The following PPP4R2 variants were observed in gnomAD, a reference collection of about 807,000 sequenced individuals.
PPP4R2 encodes the protein protein phosphatase 4 regulatory subunit 2, also known as serine/threonine-protein phosphatase 4 regulatory subunit 2.
A neutral mutation model predicts 47.2 loss-of-function variants in PPP4R2; 13 were observed. That is an observed-to-expected ratio of 0.28 (90% CI 0.18 to 0.44). The LOEUF is 0.44. Ranked by LOEUF, PPP4R2 falls within the 20% of genes least tolerant of loss-of-function variation. The probability of loss-of-function intolerance (pLI) is 1.00; values close to 1 mark genes in which losing one functional copy is unlikely to be tolerated. For synonymous variants in PPP4R2, 151 were observed against 163.3 expected, an observed-to-expected ratio of 0.92 and a Z score of 0.57; for missense variants, 421 against 491.2, an observed-to-expected ratio of 0.86 and a Z score of 1.35.
chr3:73,006,018 C>G (rs949827199), intron 2 of PPP4R2, among the ~76,000 whole-genome samples: 2 of 152,060 alleles, frequency 1.3e-5, no homozygotes, highest in Non-Finnish European at 2.9e-5. Flanking sequence ...TCTTCCCTCC[C>G]TGTGTGTGCT....
chr3:73,028,487 T>C (rs1300238971), intron 2 of PPP4R2, among the ~76,000 whole-genome samples: 1 of 152,078 alleles, frequency 6.6e-6, no homozygotes, highest in Non-Finnish European at 1.5e-5. Context: ...AGATGGAGTC[T>C]CGCTCTTCCA....
At chr3:73,012,924 C>T (rs1701753411) in intron 2 of PPP4R2, among the ~76,000 whole-genome samples, 1 of 140,110 alleles carries the variant, frequency 7.1e-6, no homozygotes. Flanking sequence ...TTTTTTTAAA[C>T]CACCCTTACC....
At chr3:73,008,768 A>C (rs938835163) in intron 2 of PPP4R2, among the ~76,000 whole-genome samples, 3 of 152,244 alleles carry the variant, frequency 2.0e-5, no homozygotes, top group South Asian at 2.1e-4. Context: ...TATGCTGGGC[A>C]TAAATAGAAT....
At chr3:73,033,641 C>CT (rs1309456606) in intron 2 of PPP4R2, among the ~76,000 whole-genome samples, 1 of 152,122 alleles carries the variant, frequency 6.6e-6, no homozygotes, top group African/African-American at 2.4e-5. Flanking sequence ...TTTCCAGAAC[C>CT]TTTTTATTGT....
chr3:73,062,731 C>G (rs1404383326), intron 5 of PPP4R2: 1 of 1,613,996 alleles, frequency 6.2e-7, no homozygotes, highest in South Asian at 1.1e-5. Context: ...GCAATGATGG[C>G]ATCTATTGGA....
At chr3:73,050,298 T>C (rs1439470416) in intron 3 of PPP4R2, among the ~76,000 whole-genome samples, 2 of 152,136 alleles carry the variant, frequency 1.3e-5, no homozygotes, top group Non-Finnish European at 2.9e-5. Context: ...ATTTTTCAGT[T>C]TATGAATCAC....
chr3:73,034,559 CTG>C (rs1431618460), intron 2 of PPP4R2, among the ~76,000 whole-genome samples: 1 of 152,150 alleles, frequency 6.6e-6, no homozygotes, highest in Non-Finnish European at 1.5e-5. Context: ...TTTTTAGAGA[CTG>C]TTCCTCTTTT....
chr3:73,019,750 G>C (rs1701921546), intron 2 of PPP4R2, among the ~76,000 whole-genome samples: 1 of 152,070 alleles, frequency 6.6e-6, no homozygotes, highest in Admixed American at 6.6e-5. Flanking sequence ...GTGAGTGGGT[G>C]AAAGTGTATT....
At chr3:73,046,744 G>T (rs946751582) in intron 2 of PPP4R2, among the ~76,000 whole-genome samples, 1 of 152,142 alleles carries the variant, frequency 6.6e-6, no homozygotes, top group Admixed American at 6.5e-5. Flanking sequence ...TTGTTATTTA[G>T]TAGATAATAG....
chr3:73,017,831 A>G (rs1003783366), intron 2 of PPP4R2, among the ~76,000 whole-genome samples: 5 of 151,996 alleles, frequency 3.3e-5, no homozygotes, highest in South Asian at 2.1e-4. Context: ...GGTTCTAGCA[A>G]TTCTCCCTGC....
intron 2 of PPP4R2, among the ~76,000 whole-genome samples, chr3:73,019,223 C>CAT (rs1701910095): frequency 6.6e-6 from 1 of 152,086 alleles, no homozygotes; most frequent in Admixed American, 6.6e-5. Flanking sequence ...TAGACTATAC[C>CAT]ATGTGGGTTT....
At chr3:73,027,406 G>A (rs1311755589) in intron 2 of PPP4R2, among the ~76,000 whole-genome samples, 3 of 152,200 alleles carry the variant, frequency 2.0e-5, no homozygotes, top group African/African-American at 4.8e-5. Context: ...GATTACAGGC[G>A]TGAGCCCCGC....
At chr3:73,038,898 G>A (rs192592819) in intron 2 of PPP4R2, among the ~76,000 whole-genome samples, 1 of 152,192 alleles carries the variant, frequency 6.6e-6, no homozygotes, top group African/African-American at 2.4e-5. Flanking sequence ...CATCTGATTG[G>A]ATCCTTTATG....
intron 2 of PPP4R2, among the ~76,000 whole-genome samples, chr3:73,034,341 G>C (rs1377200384): frequency 6.6e-6 from 1 of 152,064 alleles, no homozygotes; most frequent in South Asian, 2.1e-4. Flanking sequence ...TATAGTTTTT[G>C]TGTGTGTAGA....
In PPP4R2 at chr3:72,996,909, C is replaced by G. The variant is rs1056532454; in HGVS notation, c.-129C>G. On this transcript the variant is annotated 5_prime_UTR_variant, in exon 1 of 9. Coordinates refer to ENST00000356692, the MANE Select transcript of PPP4R2 (RefSeq NM_174907.4). ...CTTCCCCCGGCTCCCTTCGTTTCCC[C>G]CCCCCGGTCGCCTGCGTGCCGGAGT... 16 of 574,110 alleles carry G rather than the reference C, an allele frequency of 2.8e-5. No homozygotes were observed. The highest frequency in any genetic ancestry group is 8.7e-5 in the Admixed American group (2 of 22,980). 35.6% of individuals were successfully genotyped at this position (574,110 alleles called of 1,614,324 possible).
chr3:73,007,640 C>T (rs1326461231), intron 2 of PPP4R2, among the ~76,000 whole-genome samples: 1 of 151,974 alleles, frequency 6.6e-6, no homozygotes, highest in Non-Finnish European at 1.5e-5. Context: ...AGGTGCGCAC[C>T]ACCACGCCCA....
At chr3:73,018,203 A>G (rs1011196400) in intron 2 of PPP4R2, among the ~76,000 whole-genome samples, 1 of 152,144 alleles carries the variant, frequency 6.6e-6, no homozygotes, top group South Asian at 2.1e-4. Context: ...ACAGGTTTCA[A>G]CTGTGGGGGT....
chr3:72,997,192 G>C lies in PPP4R2; in HGVS notation c.34+121G>C, dbSNP rs992160845. On this transcript the variant is annotated intron_variant, in intron 1 of 8. Transcript: ENST00000356692. Reference sequence around the variant, plus strand: ...GCGGCGTGGGGAGAGTGCTTCCCGGGCTCCCATCCCCCTCCACCTCCCCAG... The same window carrying C: ...GCGGCGTGGGGAGAGTGCTTCCCGGCCTCCCATCCCCCTCCACCTCCCCAG... 1.3e-5 allele frequency: 9 copies of C among 718,714 alleles called. No homozygotes were observed. The South Asian group carries it at 4.9e-4, about 39-fold the overall frequency. The allele number at this position is 718,714 out of a possible 1,614,324, so 44.5% of individuals were successfully genotyped here.
chr3:73,054,116 C>T (rs1702679092), intron 3 of PPP4R2, among the ~76,000 whole-genome samples: 1 of 152,054 alleles, frequency 6.6e-6, no homozygotes, highest in Admixed American at 6.5e-5. Context: ...CAGGGTTTCG[C>T]CATGTTGGCC....
Sources: gnomAD v4.1 joint callset for allele counts (sites outside exome capture counted in the v4.1 genomes callset) on GRCh38, gnomAD v4.1.1 for gene constraint, MANE v1.5 for transcripts, NCBI Gene and HGNC (gene_info 2026-07-23, HGNC 2026-07-21) for gene names.